The following PLEKHH1 variants were observed in gnomAD, a reference collection of about 807,000 sequenced individuals.
The protein encoded by PLEKHH1 is pleckstrin homology domain-containing family H member 1.
A neutral mutation model predicts 160.0 loss-of-function variants in PLEKHH1; 104 were observed. That is an observed-to-expected ratio of 0.65 (90% confidence interval 0.55 to 0.76). PLEKHH1 has a LOEUF of 0.76. Among genes scored for constraint, PLEKHH1 ranks in the 30% least tolerant of loss-of-function variants. The pLI is 0.00. For missense variants in PLEKHH1, 1,427 were observed against 1,724.1 expected (o/e 0.83, Z 3.05); for synonymous variants, 619 against 678.4 (o/e 0.91, Z 1.36).
rs2034886690 is a variant in PLEKHH1 at position 67,562,500 on chromosome 14, A to T, written c.869A>T (p.Gln290Leu). 6.2e-7 allele frequency: 1 copy of T among 1,612,574 alleles called. No individual in the cohort carries two copies. ...TGGGGTGAGGGTCTGGTTACTGCTC[A>T]GAGAGGGATGCTCCCTGGGACAAAG... ...ASWGEGLVTAQRGMLPGTKTS... is the reference protein window; with the variant it reads ...ASWGEGLVTALRGMLPGTKTS... Residue 290 changes from glutamine to leucine, a missense_variant, in exon 7 of 29, where the codon CAG becomes CTG. Coordinates refer to ENST00000329153, the MANE Select transcript of PLEKHH1 (RefSeq NM_020715.3).
chr14:67,541,345 C>G (rs776942080), intron 1 of PLEKHH1, among the ~76,000 whole-genome samples: 3 of 152,206 alleles, frequency 2.0e-5, no homozygotes, highest in African/African-American at 7.2e-5. Flanking sequence ...TCCCAGCTCC[C>G]ATTCCCATTT....
At chr14:67,580,871 G>C in intron 22 of PLEKHH1, 67 bp from the exon 23 acceptor site, 1 of 1,035,454 alleles carries the variant, frequency 9.7e-7, no homozygotes, top group South Asian at 1.3e-5. Flanking sequence ...GTCCAGCCCT[G>C]GCTGGACCTT....
chr14:67,541,250 G>A (rs922923866), intron 1 of PLEKHH1, among the ~76,000 whole-genome samples: 3 of 152,150 alleles, frequency 2.0e-5, no homozygotes, highest in Admixed American at 6.5e-5. Context: ...ACTGGGAACC[G>A]GGGTTCTGCC....
At chr14:67,546,216 G>A (rs560307365) in intron 2 of PLEKHH1, among the ~76,000 whole-genome samples, 4 of 152,284 alleles carry the variant, frequency 2.6e-5, no homozygotes, top group African/African-American at 9.6e-5. Flanking sequence ...GGTAAAATTG[G>A]AGAGAATTAT....
intron 1 of PLEKHH1, among the ~76,000 whole-genome samples, chr14:67,538,761 C>T (rs1401851093): frequency 6.6e-6 from 1 of 152,098 alleles, no homozygotes; most frequent in Non-Finnish European, 1.5e-5. Flanking sequence ...GGTGGTTAAT[C>T]CTCTCCATCC....
At chr14:67,548,400 A>G (rs1055148827) in intron 2 of PLEKHH1, among the ~76,000 whole-genome samples, 1 of 152,182 alleles carries the variant, frequency 6.6e-6, no homozygotes, top group African/African-American at 2.4e-5. Flanking sequence ...TGAGGGTATT[A>G]ATAAAAGAAG....
Position 67,582,676 on chromosome 14 carries a change from T to C in PLEKHH1, c.3426+466T>C, listed in dbSNP as rs1237974114. Among the ~76,000 whole-genome samples the C allele has an allele frequency of 1.3e-5, 2 of 151,276 alleles. No individual in the cohort carries two copies. The highest frequency in any genetic ancestry group is 2.9e-5 in the Non-Finnish European group (2 of 67,890). ...TGAAAAAAAATAAAATAAAATAAAA[T>C]AAAAATAAAAATTAGCTGGGTGTGG... On this transcript the variant is annotated intron_variant, in intron 24 of 28. Transcript: ENST00000329153. The surrounding 1 kb of genome is among the most constrained non-coding windows in gnomAD (Gnocchi z 5.0).
chr14:67,561,771 G>C (rs888477538), intron 5 of PLEKHH1, among the ~76,000 whole-genome samples, 183 bp from the exon 6 acceptor site: 3 of 151,338 alleles, frequency 2.0e-5, no homozygotes, highest in African/African-American at 7.3e-5. Context: ...TCAGGAGGCT[G>C]AGGTGGGAGG....
rs565106983 is a variant in PLEKHH1 at position 67,576,588 on chromosome 14, G to A, written c.2461+85G>A. 241 of 698,756 alleles carry A rather than the reference G, an allele frequency of 3.4e-4. 4 individuals carry two copies. In the South Asian group the frequency reaches 3.8e-3, roughly 11 times the overall value. 43.3% of individuals were successfully genotyped at this position (698,756 alleles called of 1,614,324 possible). On this transcript the variant is annotated intron_variant, in intron 17 of 28. Transcript: ENST00000329153. This position sits in a 1 kb window ranked among gnomAD's most constrained non-coding sequence, Gnocchi z 4.0. ...TCAAGATCCCAAAGAAAGCAGTGTT[G>A]TACCCTGAAGCTGTTTTTAAAACAT...
chr14:67,555,567 A>C (rs2034559430), intron 2 of PLEKHH1, among the ~76,000 whole-genome samples: 1 of 152,180 alleles, frequency 6.6e-6, no homozygotes, highest in South Asian at 2.1e-4. Flanking sequence ...ACCCTCCATC[A>C]GGACAAAAGA....
At position 67,583,866 on chromosome 14, in the gene PLEKHH1, C is replaced by A. The variant is rs1351223288; in HGVS notation, c.3552C>A (p.Ala1184=). 3.7e-6 allele frequency: 6 copies of A among 1,613,732 alleles called. No individual in the cohort carries two copies. The Middle Eastern group carries it at 5.0e-4, about 133-fold the overall frequency. Residue 1184 remains alanine, a synonymous_variant, in exon 25 of 29, where the codon GCC becomes GCA. Coordinates refer to ENST00000329153, the MANE Select transcript of PLEKHH1 (RefSeq NM_020715.3). ...ACCCCAGGCGCTATAGACATGGGGC[C>A]CCCGCTGAACAGCTGAGGTAGGTAG... The part of the protein sequence containing the change: ...RFHPRRYRHG[A]PAEQLRHLAD...
At chr14:67,556,725 T>A (rs1566734597) in intron 3 of PLEKHH1, among the ~76,000 whole-genome samples, 1 of 152,210 alleles carries the variant, frequency 6.6e-6, no homozygotes, top group East Asian at 1.9e-4. Flanking sequence ...TTATCTGTTT[T>A]AAAAAAATTT....
At chr14:67,554,839 T>G (rs997134003) in intron 2 of PLEKHH1, among the ~76,000 whole-genome samples, 4 of 152,212 alleles carry the variant, frequency 2.6e-5, no homozygotes, top group Non-Finnish European at 4.4e-5. Context: ...GGCCACTTGG[T>G]GTAATATCCA....
intron 3 of PLEKHH1, among the ~76,000 whole-genome samples, 173 bp downstream of exon 3, chr14:67,556,060 G>A (rs1455945776): frequency 6.6e-6 from 1 of 152,222 alleles, no homozygotes; most frequent in Non-Finnish European, 1.5e-5. Context: ...GTAAAGATCA[G>A]TGTAGCAAGT....
At chr14:67,567,296 T>A (rs776757159) in intron 7 of PLEKHH1, among the ~76,000 whole-genome samples, 1 of 152,230 alleles carries the variant, frequency 6.6e-6, no homozygotes, top group Non-Finnish European at 1.5e-5. Context: ...GTGTGAGAAA[T>A]ACTTATGTAT....
intron 2 of PLEKHH1, among the ~76,000 whole-genome samples, chr14:67,549,431 C>T (rs575880580): frequency 1.1e-4 from 16 of 152,104 alleles, no homozygotes; most frequent in Admixed American, 1.0e-3. Context: ...CCACCACGCC[C>T]AGCTAATTTT....
chr14:67,557,837 T>C (rs942158148), intron 4 of PLEKHH1, among the ~76,000 whole-genome samples: 4 of 152,250 alleles, frequency 2.6e-5, no homozygotes, highest in African/African-American at 4.8e-5. Context: ...AGGAGAACTT[T>C]TCTTTCTCCA....
chr14:67,581,011 G>A lies in PLEKHH1; in HGVS notation c.3257G>A (p.Arg1086His), dbSNP rs1441243423. ...CCCGGAAAGTCTGAGGGTGGGACAC[G>A]CGTCGTGAAGCTGATGTACAAGAAC... ...LHPGKSEGGT[R>H]VVKLMYKNRL... The change falls in exon 23 of 29, where the codon CGC becomes CAC. Residue 1086 changes from arginine (R) to histidine (H), a missense_variant. Transcript: ENST00000329153. The A allele has an allele frequency of 7.4e-6, 12 of 1,612,266 alleles. No individual in the cohort carries two copies. The highest frequency in any genetic ancestry group is 5.0e-5 in the Admixed American group (3 of 60,002).
chr14:67,559,557 C>T, intron 4 of PLEKHH1, 51 bp from the exon 5 acceptor site: 2 of 1,306,626 alleles, frequency 1.5e-6, no homozygotes, highest in South Asian at 1.3e-5. Context: ...TCCAGTCAGT[C>T]ACTCTCCTGG....
Sources: gnomAD v4.1 joint callset for allele counts (sites outside exome capture counted in the v4.1 genomes callset) on GRCh38, gnomAD v4.1.1 for gene constraint, Gnocchi (gnomAD v3.1) non-coding constraint, MANE v1.5 for transcripts, NCBI Gene and HGNC (gene_info 2026-07-23, HGNC 2026-07-21) for gene names.